The following PCDHA5 variants were observed in gnomAD, a reference collection of about 807,000 sequenced individuals.
The protein encoded by PCDHA5 is protocadherin alpha 5.
PCDHA5 carries 43 observed loss-of-function variants against 61.6 expected under a neutral mutation model. The observed-to-expected ratio is 0.70, with a 90% confidence interval of 0.55 to 0.90. The LOEUF (loss-of-function observed/expected upper bound fraction) is 0.90. Ranked by LOEUF, PCDHA5 falls within the 40% of genes least tolerant of loss-of-function variation. The probability of loss-of-function intolerance (pLI) is 0.00; values close to 1 mark genes in which losing one functional copy is unlikely to be tolerated. For synonymous variants in PCDHA5, 627 were observed against 543.9 expected, an observed-to-expected ratio of 1.15 and a Z score of -2.13; for missense variants, 1,298 against 1,222.7, an observed-to-expected ratio of 1.06 and a Z score of -0.92.
Position 140,842,518 on chromosome 5 carries a change from C to G in PCDHA5, c.2352+18391C>G, listed in dbSNP as rs2150337921. 3.1e-6 allele frequency: 5 copies of G among 1,613,574 alleles called. 1 individual carries two copies. The South Asian group carries it at 5.5e-5, about 18-fold the overall frequency. ...CCCATGTCCCCTTCAAGCTGGTGTC[C>G]ACCTTCAAGAATTACTACTCGTTGG... On this transcript the variant is annotated intron_variant, in intron 1 of 3. Coordinates refer to ENST00000529859, the MANE Select transcript of PCDHA5 (RefSeq NM_018908.3).
chr5:140,935,108 A>G (rs1181696268), intron 1 of PCDHA5, among the ~76,000 whole-genome samples: 3 of 152,148 alleles, frequency 2.0e-5, no homozygotes, highest in Non-Finnish European at 4.4e-5. Context: ...TTTTTCAAAG[A>G]GCTTTCACTT....
chr5:140,945,153 C>T (rs996541335), intron 1 of PCDHA5, among the ~76,000 whole-genome samples: 1 of 152,064 alleles, frequency 6.6e-6, no homozygotes, highest in African/African-American at 2.4e-5. Flanking sequence ...TTTCTATACA[C>T]TATTGAACTA....
chr5:140,882,438 C>A lies in PCDHA5; in HGVS notation c.2352+58311C>A, dbSNP rs782795158. On this transcript the variant is annotated intron_variant, in intron 1 of 3. Coordinates refer to ENST00000529859, the MANE Select transcript of PCDHA5 (RefSeq NM_018908.3). ...GCTCAGGACCTGGGGCTGGAGCTGG[C>A]GGAGCTGGTGCCGCGCCTGTTCCGG... 3.1e-6 allele frequency: 5 copies of A among 1,613,902 alleles called. No individual in the cohort carries two copies. In the Admixed American group the frequency reaches 5.0e-5, roughly 16 times the overall value.
chr5:140,915,677 A>C (rs1352514451), intron 1 of PCDHA5, among the ~76,000 whole-genome samples: 4 of 150,138 alleles, frequency 2.7e-5, no homozygotes, highest in African/African-American at 9.8e-5. Flanking sequence ...GCCATCTTGA[A>C]CTAGGGGTAT....
rs2150165075 is a variant in PCDHA5 at position 140,829,273 on chromosome 5, T to C, written c.2352+5146T>C. ...ACTGCTCGCTGACGCCTCACGTCCC[T>C]TTCAAGCTGGTGTCCACCTTCAAGA... On this transcript the variant is annotated intron_variant, in intron 1 of 3. Coordinates refer to ENST00000529859, the MANE Select transcript of PCDHA5 (RefSeq NM_018908.3). 11 of 1,614,216 alleles carry C rather than the reference T, an allele frequency of 6.8e-6. No homozygotes were observed. The South Asian group carries it at 9.9e-5, about 15-fold the overall frequency.
At chr5:140,928,508 T>G in intron 1 of PCDHA5, 1 of 1,614,174 alleles carries the variant, frequency 6.2e-7, no homozygotes, top group Non-Finnish European at 8.5e-7. Flanking sequence ...AGTGCAACAG[T>G]GACTATAAAC....
intron 1 of PCDHA5, chr5:140,866,360 T>C (rs2049301570): frequency 6.6e-6 from 1 of 152,128 alleles, no homozygotes; most frequent in South Asian, 2.1e-4. Context: ...GTTTACAATA[T>C]TGCATACTTC....
At position 141,010,091 on chromosome 5, in the gene PCDHA5, A is replaced by G; in HGVS notation, c.*154A>G. The G allele has an allele frequency of 6.2e-7, 1 of 1,612,860 alleles. No individual in the cohort carries two copies. The highest frequency in any genetic ancestry group is 8.5e-7 in the Non-Finnish European group (1 of 1,179,382). ...AGTTCCCTGTGTCTGTCTAGAACGCATTTAACAGGTTTTGTCGTAAAAGCT... is the reference window on the plus strand; with the variant it reads ...AGTTCCCTGTGTCTGTCTAGAACGCGTTTAACAGGTTTTGTCGTAAAAGCT... On this transcript the variant is annotated 3_prime_UTR_variant, in exon 4 of 4. Coordinates refer to ENST00000529859, the MANE Select transcript of PCDHA5 (RefSeq NM_018908.3).
chr5:140,911,223 G>A (rs1305979222), intron 1 of PCDHA5, among the ~76,000 whole-genome samples: 1 of 152,148 alleles, frequency 6.6e-6, no homozygotes, highest in Non-Finnish European at 1.5e-5. Flanking sequence ...TGAGAAAGCT[G>A]TTTCTTCTGG....
Position 140,877,413 on chromosome 5 carries a change from G to T in PCDHA5, c.2352+53286G>T, listed in dbSNP as rs540811233. 2.4e-5 allele frequency: 39 copies of T among 1,613,922 alleles called. No homozygotes were observed. The East Asian group carries it at 2.5e-4, about 10-fold the overall frequency. On this transcript the variant is annotated intron_variant, in intron 1 of 3. Transcript: ENST00000529859. Reference sequence around the variant, plus strand: ...AGGCGGACGCTCCGCGCCACCGCCTGCTGGTGCTGGTGAAGGACCACGGTG... The same window carrying T: ...AGGCGGACGCTCCGCGCCACCGCCTTCTGGTGCTGGTGAAGGACCACGGTG...
At chr5:140,850,240 T>A (rs2041453726) in intron 1 of PCDHA5, 1 of 1,593,332 alleles carries the variant, frequency 6.3e-7, no homozygotes, top group Non-Finnish European at 8.6e-7. Context: ...GAGATGGTGC[T>A]GCGGTCGGTG....
At chr5:140,834,836 G>A in intron 1 of PCDHA5, 5 of 1,611,792 alleles carry the variant, frequency 3.1e-6, no homozygotes, top group Non-Finnish European at 3.4e-6. Context: ...TTGACTCTCG[G>A]TTTCCACTAG....
intron 1 of PCDHA5, among the ~76,000 whole-genome samples, chr5:140,925,577 C>T (rs931426226): frequency 2.6e-5 from 4 of 151,714 alleles, no homozygotes; most frequent in Non-Finnish European, 5.9e-5. Context: ...AGCACACCAA[C>T]ATGGCGCATG....
chr5:140,888,980 G>A (rs1429569959), intron 1 of PCDHA5, among the ~76,000 whole-genome samples: 2 of 152,022 alleles, frequency 1.3e-5, no homozygotes, highest in Non-Finnish European at 2.9e-5. Context: ...TTGAATTTAT[G>A]ATTTATGATT....
chr5:140,846,801 G>A (rs1780686436), intron 1 of PCDHA5, among the ~76,000 whole-genome samples: 1 of 149,422 alleles, frequency 6.7e-6, no homozygotes, highest in Admixed American at 6.7e-5. Context: ...CCAGCCCCTG[G>A]CTTTAAAATT....
At chr5:140,942,619 TAA>T (rs35075175) in intron 1 of PCDHA5, among the ~76,000 whole-genome samples, 10 of 148,966 alleles carry the variant, frequency 6.7e-5, no homozygotes, top group Middle Eastern at 3.4e-3. Context: ...TTGCCAATTG[TAA>T]AAAAAAAAAT....
chr5:140,829,246 G>C (rs2150164613), intron 1 of PCDHA5: 1 of 1,614,268 alleles, frequency 6.2e-7, no homozygotes. Context: ...ACGGGCAGGT[G>C]AACTGCTCGC....
chr5:140,884,662 G>C lies in PCDHA5; in HGVS notation c.2352+60535G>C, dbSNP rs372022274. On this transcript the variant is annotated intron_variant, in intron 1 of 3. Transcript: ENST00000529859. ...AGGAGGACTCAGAATGCTTGAAAGA[G>C]GTAAGCTTATATTTTAAAAAATTGT... is the stretch of plus-strand genomic sequence containing the variant. 11 of 1,589,820 alleles carry C rather than the reference G, an allele frequency of 6.9e-6. No homozygotes were observed. In the African/African-American group the frequency reaches 9.4e-5, roughly 14 times the overall value.
chr5:140,962,047 C>T (rs1288087343), intron 1 of PCDHA5, among the ~76,000 whole-genome samples: 2 of 151,982 alleles, frequency 1.3e-5, no homozygotes, highest in South Asian at 2.1e-4. Context: ...CCATGCCTGG[C>T]TAATTTTTTT....
Sources: gnomAD v4.1 joint callset for allele counts (sites outside exome capture counted in the v4.1 genomes callset) on GRCh38, gnomAD v4.1.1 for gene constraint, MANE v1.5 for transcripts, NCBI Gene and HGNC (gene_info 2026-07-23, HGNC 2026-07-21) for gene names.